The following TMPRSS11A variants were observed in gnomAD, a reference collection of about 807,000 sequenced individuals.
TMPRSS11A encodes the protein transmembrane serine protease 11A.
A neutral mutation model predicts 58.9 loss-of-function variants in TMPRSS11A; 53 were observed. That is an observed-to-expected ratio of 0.90 (90% CI 0.72 to 1.13). The LOEUF (loss-of-function observed/expected upper bound fraction) is 1.13. Ranked by LOEUF, TMPRSS11A falls within the 50% of genes most tolerant of loss-of-function variation. The pLI is 0.00. For synonymous variants in TMPRSS11A, 167 were observed against 169.8 expected (o/e 0.98, Z 0.13); for missense variants, 493 against 499.3 (o/e 0.99, Z 0.12).
In TMPRSS11A at chr4:67,944,548, T is replaced by A; in HGVS notation, c.223A>T (p.Lys75Ter). The change falls in exon 3 of 10, where the codon AAG becomes TAG. Residue 75 changes from lysine to a stop codon, truncating the protein, a stop_gained. Coordinates refer to ENST00000508048, the MANE Select transcript of TMPRSS11A (RefSeq NM_001114387.2). LOFTEE classifies it high-confidence loss of function. ...TTTTCGGTCGTCTCTCGTAAGTCCTTAAGTTGATATGTGTTGCTTTGTCCG... is the reference window on the plus strand; with the variant it reads ...TTTTCGGTCGTCTCTCGTAAGTCCTAAAGTTGATATGTGTTGCTTTGTCCG... ...NFGQSNTYQL[K>*]DLRETTENLV... is the part of the protein sequence containing the mutation. 1 of 1,612,934 alleles carries A rather than the reference T, an allele frequency of 6.2e-7. No individual in the cohort carries two copies. The highest frequency in any genetic ancestry group is 8.5e-7 in the Non-Finnish European group (1 of 1,179,260).
rs773566309 is a variant in TMPRSS11A, at chr4:67,944,518, C to T, written c.252+1G>A. The T allele has an allele frequency of 1.2e-6, 2 of 1,607,804 alleles. No homozygotes were observed. The highest frequency in any genetic ancestry group is 1.7e-6 in the Non-Finnish European group (2 of 1,177,564). ...GATAAAAAGAAGTTTACCTGACTCA[C>T]CAAATTTTCGGTCGTCTCTCGTAAG... is the stretch of plus-strand genomic sequence containing the variant. On this transcript the variant is annotated splice_donor_variant, in intron 3 of 9. Transcript: ENST00000508048. LOFTEE classifies it high-confidence loss of function.
At chr4:67,947,993 A>T (rs978856104) in intron 1 of TMPRSS11A, among the ~76,000 whole-genome samples, 8 of 152,114 alleles carry the variant, frequency 5.3e-5, no homozygotes, top group Non-Finnish European at 1.0e-4. Context: ...TATTATAGTG[A>T]ATTTTATTTA....
chr4:67,917,446 G>A (rs1720188083), intron 8 of TMPRSS11A, among the ~76,000 whole-genome samples: 1 of 152,048 alleles, frequency 6.6e-6, no homozygotes, highest in Admixed American at 6.6e-5. Flanking sequence ...ATTCCATTAT[G>A]ATCAGAGAAT....
chr4:67,947,020 TAAG>T (rs1222721503), intron 1 of TMPRSS11A, among the ~76,000 whole-genome samples: 1 of 152,194 alleles, frequency 6.6e-6, no homozygotes, highest in Non-Finnish European at 1.5e-5. Context: ...AAAAAATTAC[TAAG>T]AATAGTATAA....
intron 3 of TMPRSS11A, among the ~76,000 whole-genome samples, chr4:67,938,543 G>T (rs1720806417): frequency 6.6e-6 from 1 of 151,940 alleles, no homozygotes; most frequent in Non-Finnish European, 1.5e-5. Context: ...TTAATTGTTT[G>T]TGGTCTTACA....
chr4:67,947,189 C>A (rs1721039759), intron 1 of TMPRSS11A, among the ~76,000 whole-genome samples: 1 of 152,200 alleles, frequency 6.6e-6, no homozygotes, highest in South Asian at 2.1e-4. Flanking sequence ...ATATATCCAA[C>A]ATAACCATGA....
chr4:67,926,402 A>AT (rs1720467808), intron 5 of TMPRSS11A, among the ~76,000 whole-genome samples: 1 of 152,222 alleles, frequency 6.6e-6, no homozygotes, highest in South Asian at 2.1e-4. Flanking sequence ...TGACGTAAAG[A>AT]TTTTCCTGAG....
At chr4:67,953,725 G>T (rs760208622) in intron 1 of TMPRSS11A, among the ~76,000 whole-genome samples, 12 of 151,986 alleles carry the variant, frequency 7.9e-5, no homozygotes, top group Non-Finnish European at 1.6e-4. Context: ...TTGGACCCAG[G>T]AGGCAGAGTT....
chr4:67,935,111 T>C (rs1720720252), intron 3 of TMPRSS11A, among the ~76,000 whole-genome samples: 1 of 152,216 alleles, frequency 6.6e-6, no homozygotes, highest in Non-Finnish European at 1.5e-5. Flanking sequence ...AAAGACACTT[T>C]TAGCCTTAAA....
intron 1 of TMPRSS11A, among the ~76,000 whole-genome samples, chr4:67,956,500 G>A (rs727534): frequency 0.8 from 122,085 of 152,184 alleles, 49,325 homozygotes; most frequent in Non-Finnish European, 0.83. Context: ...TGGGAATAAG[G>A]AGATATGGAT....
Position 67,919,070 on chromosome 4 carries a change from C to T in TMPRSS11A, c.855G>A (p.Ser285=), listed in dbSNP as rs201928366. ...VVQVSSRVTF[S]DDIRQICLPE... ...GCAAACAAATCTGGCGTATGTCATC[C>T]GAAAAGGTGACTCTGGAAGAGACCT... The change falls in exon 8 of 10, where the codon TCG becomes TCA. Residue 285 remains serine (S), a synonymous_variant. Coordinates refer to ENST00000508048, the MANE Select transcript of TMPRSS11A (RefSeq NM_001114387.2). The T allele has an allele frequency of 4.8e-5, 78 of 1,613,988 alleles. No individual in the cohort carries two copies. Among genetic ancestry groups the T allele is most frequent in the African/African-American group, 4.0e-5 (3 of 74,896 alleles).
At chr4:67,954,736 G>A (rs1254914602) in intron 1 of TMPRSS11A, among the ~76,000 whole-genome samples, 1 of 152,144 alleles carries the variant, frequency 6.6e-6, no homozygotes, top group Non-Finnish European at 1.5e-5. Context: ...AACAATAAGA[G>A]CCAAAATCTG....
intron 1 of TMPRSS11A, among the ~76,000 whole-genome samples, chr4:67,957,994 T>C (rs977430006): frequency 2.0e-5 from 3 of 152,066 alleles, no homozygotes; most frequent in Non-Finnish European, 2.9e-5. Flanking sequence ...GCAGCTTCCA[T>C]GTGGGGTTGA....
chr4:67,927,819 A>G (rs1472739701), intron 5 of TMPRSS11A, among the ~76,000 whole-genome samples: 3 of 152,228 alleles, frequency 2.0e-5, no homozygotes, highest in African/African-American at 7.2e-5. Flanking sequence ...CAGGTTTCCA[A>G]AGCATATGCA....
chr4:67,934,063 A>G (rs866454529), intron 3 of TMPRSS11A, among the ~76,000 whole-genome samples: 2 of 152,284 alleles, frequency 1.3e-5, no homozygotes, highest in Non-Finnish European at 1.5e-5. Context: ...AAATAACATG[A>G]GAAGAATCTA....
chr4:67,944,433 A>G, intron 3 of TMPRSS11A, 86 bp downstream of exon 3: 1 of 1,476,632 alleles, frequency 6.8e-7, no homozygotes, highest in Non-Finnish European at 9.2e-7. Context: ...CGGTCTGAAA[A>G]TCATGTTTTT....
rs544657113 is a variant in TMPRSS11A at position 67,921,765 on chromosome 4, G to A, written c.692+990C>T. Among the ~76,000 whole-genome samples, 8 of 152,216 alleles carry A rather than the reference G, an allele frequency of 5.3e-5. No homozygotes were observed. The South Asian group carries it at 1.7e-3, about 32-fold the overall frequency. The stretch of plus-strand genomic sequence containing the variant: ...GCCTATCTATTACCTAATACACTAA[G>A]GTTCAATAATTTGCCCAGCTCTCCA... On this transcript the variant is annotated intron_variant, in intron 7 of 9. Coordinates refer to ENST00000508048, the MANE Select transcript of TMPRSS11A (RefSeq NM_001114387.2).
At position 67,911,517 on chromosome 4, in the gene TMPRSS11A, C is replaced by T. The variant is rs1249919863; in HGVS notation, c.1096-14G>A. On this transcript the variant is annotated splice_polypyrimidine_tract_variant and intron_variant, in intron 9 of 9. Coordinates refer to ENST00000508048, the MANE Select transcript of TMPRSS11A (RefSeq NM_001114387.2). ...CCCAGAATCACCCTAAAAATAAAAACATAAGAAAAAAGAAAGAAAATTAGC... is the reference window on the plus strand; with the variant it reads ...CCCAGAATCACCCTAAAAATAAAAATATAAGAAAAAAGAAAGAAAATTAGC... 5.0e-6 allele frequency: 8 copies of T among 1,589,962 alleles called. No homozygotes were observed. The highest frequency in any genetic ancestry group is 3.8e-5 in the Admixed American group (2 of 52,648).
chr4:67,939,054 GT>G (rs1720816501), intron 3 of TMPRSS11A, among the ~76,000 whole-genome samples: 1 of 152,084 alleles, frequency 6.6e-6, no homozygotes, highest in Non-Finnish European at 1.5e-5. Flanking sequence ...AGCATGGAAT[GT>G]TTTTGCATTC....
Sources: allele counts gnomAD v4.1 joint callset (sites outside exome capture counted in the v4.1 genomes callset), GRCh38; gene constraint gnomAD v4.1.1; transcripts MANE v1.5; gene names NCBI Gene and HGNC (gene_info 2026-07-23, HGNC 2026-07-21).